CCDC149: variants seen among roughly 807,000 people sequenced by gnomAD.
The protein encoded by CCDC149 is coiled-coil domain containing 149.
In CCDC149, 45 loss-of-function variants were observed where a neutral mutation model predicts 59.9. That is an observed-to-expected ratio of 0.75 (90% CI 0.59 to 0.96). The LOEUF is 0.96. CCDC149 is among the 40% of genes least tolerant of loss of function. The pLI is 0.00. For synonymous variants in CCDC149, 245 were observed against 260.6 expected (o/e 0.94, Z 0.58); for missense variants, 584 against 664.7 (o/e 0.88, Z 1.33).
At chr4:24,862,421 T>C (rs943051641) in intron 3 of CCDC149, among the ~76,000 whole-genome samples, 7 of 152,360 alleles carry the variant, frequency 4.6e-5, no homozygotes, top group African/African-American at 1.7e-4. Flanking sequence ...AATCCCCTGC[T>C]GGTCAGCATT....
intron 1 of CCDC149, among the ~76,000 whole-genome samples, chr4:24,902,828 G>T (rs1721245375): frequency 6.6e-6 from 1 of 151,836 alleles, no homozygotes. Context: ...ATATGAGACT[G>T]GCCTGGACAA....
chr4:24,893,459 G>T (rs1332325170), intron 1 of CCDC149, among the ~76,000 whole-genome samples: 1 of 152,062 alleles, frequency 6.6e-6, no homozygotes, highest in African/African-American at 2.4e-5. Flanking sequence ...TGTAAGACTT[G>T]TAATCCACTT....
At chr4:24,925,066 A>C (rs1156601140) in intron 1 of CCDC149, among the ~76,000 whole-genome samples, 1 of 152,210 alleles carries the variant, frequency 6.6e-6, no homozygotes, top group Non-Finnish European at 1.5e-5. Flanking sequence ...CCTTAGGTAC[A>C]GTTTTTTGGG....
Position 24,808,666 on chromosome 4 carries a change from G to A in CCDC149, c.1346C>T (p.Pro449Leu), listed in dbSNP as rs929839516. The A allele has an allele frequency of 1.2e-5, 18 of 1,552,280 alleles. No individual in the cohort carries two copies. The highest frequency in any genetic ancestry group is 1.6e-5 in the Non-Finnish European group (18 of 1,147,156). The change falls in exon 13 of 13, where the codon CCT becomes CTT. Residue 449 changes from proline (P) to leucine (L), a missense_variant. Coordinates refer to ENST00000635206, the MANE Select transcript of CCDC149 (RefSeq NM_001330643.2). ...AAGGCTGTTTACTTCTTCCTCAGAA[G>A]GTAACTGGGGTAATGAAGGATGAAA...
chr4:24,946,121 C>G (rs78539320), intron 1 of CCDC149, among the ~76,000 whole-genome samples: 5 of 152,206 alleles, frequency 3.3e-5, no homozygotes, highest in Admixed American at 3.3e-4. Flanking sequence ...TGACCAATCA[C>G]TCTCTCTTCT....
chr4:24,808,681 GAAGGA>G lies in CCDC149; in HGVS notation c.1326_1330del (p.Pro443IlefsTer7), dbSNP rs767464774. 6.4e-7 allele frequency: 1 copy of G among 1,552,410 alleles called. No individual in the cohort carries two copies. The highest frequency in any genetic ancestry group is 1.2e-5 in the South Asian group (1 of 84,060). On this transcript the variant is annotated frameshift_variant, in exon 13 of 13. Coordinates refer to ENST00000635206, the MANE Select transcript of CCDC149 (RefSeq NM_001330643.2). LOFTEE classifies it low-confidence loss of function (END_TRUNC). ...TTCCTCAGAAGGTAACTGGGGTAAT[GAAGGA>G]TGAAAGAGCTTGCATTGGTTCCCGC...
chr4:24,906,217 T>C (rs1248901817), intron 1 of CCDC149, among the ~76,000 whole-genome samples: 1 of 152,058 alleles, frequency 6.6e-6, no homozygotes, highest in Non-Finnish European at 1.5e-5. Context: ...TCTTAGGAAG[T>C]GAAAACTAAT....
intron 1 of CCDC149, among the ~76,000 whole-genome samples, chr4:24,952,595 C>CAA (rs869310845): frequency 1.4e-4 from 6 of 41,414 alleles, no homozygotes; most frequent in Non-Finnish European, 2.2e-4. Context: ...AACTCCATCT[C>CAA]AAAAAAAAAA....
Position 24,975,598 on chromosome 4 carries a change from G to A in CCDC149, c.-65+4471C>T, listed in dbSNP as rs76552097. On this transcript the variant is annotated intron_variant, in intron 1 of 12. Transcript: ENST00000389609. Reference sequence around the variant, plus strand: ...GAAGAGAGGAGAGGGAAGGGGAGGAGAGAGGAAGCATACGTCCTGGGGAAG... The same window carrying A: ...GAAGAGAGGAGAGGGAAGGGGAGGAAAGAGGAAGCATACGTCCTGGGGAAG... 4.1e-3 allele frequency among the ~76,000 whole-genome samples: 618 copies of A among 150,708 alleles called. 23 individuals carry two copies. In the East Asian group the frequency reaches 0.073, roughly 18 times the overall value.
intron 1 of CCDC149, 133 bp from the exon 2 acceptor site, chr4:24,876,830 A>G (rs1719470849): frequency 4.8e-6 from 4 of 832,872 alleles, no homozygotes; most frequent in Non-Finnish European, 7.3e-6. Context: ...CGAGAGAGAC[A>G]TTTTTCAGCA....
intron 3 of CCDC149, 127 bp downstream of exon 3, chr4:24,873,554 T>C (rs2109239081): frequency 1.4e-6 from 1 of 725,978 alleles, no homozygotes; most frequent in Admixed American, 2.5e-5. Flanking sequence ...AATCTCTACC[T>C]ACTCCTCCCA....
chr4:24,963,949 C>G lies in CCDC149; in HGVS notation c.-65+16120G>C, dbSNP rs532774017. On this transcript the variant is annotated intron_variant, in intron 1 of 12. Transcript: ENST00000389609. ...GGCCAAGGTAGGAGGATCCCAAGCA[C>G]TTTGGGAGGCCAAGGCAGGAGGATG... Among the ~76,000 whole-genome samples the G allele has an allele frequency of 3.7e-4, 56 of 152,294 alleles. No homozygotes were observed. In the South Asian group the frequency reaches 8.1e-3, roughly 22 times the overall value.
intron 1 of CCDC149, among the ~76,000 whole-genome samples, chr4:24,881,652 C>T (rs1454701756): frequency 6.6e-6 from 1 of 152,212 alleles, no homozygotes; most frequent in Non-Finnish European, 1.5e-5. Context: ...ATGGGACTGT[C>T]TGGGGGGGAG....
chr4:24,902,346 A>G (rs1422927574), intron 1 of CCDC149, among the ~76,000 whole-genome samples: 1 of 152,154 alleles, frequency 6.6e-6, no homozygotes, highest in Non-Finnish European at 1.5e-5. Context: ...ATTTTCATCA[A>G]TTTGTACTCC....
At position 24,837,335 on chromosome 4, in the gene CCDC149, C is replaced by T; in HGVS notation, c.555G>A (p.Arg185=). ...TCTCCACTTTGTCCTGGTAGGAAGA[C>T]CGTTCTTCTTTAACATCCTGAAGCT... The change falls in exon 6 of 13, where the codon CGG becomes CGA. Residue 185 remains arginine (R), a synonymous_variant. Coordinates refer to ENST00000635206, the MANE Select transcript of CCDC149 (RefSeq NM_001330643.2). The surrounding 1 kb of genome is among the most constrained non-coding windows in gnomAD (Gnocchi z 4.3). The T allele has an allele frequency of 6.2e-7, 1 of 1,614,164 alleles. No homozygotes were observed. The highest frequency in any genetic ancestry group is 8.5e-7 in the Non-Finnish European group (1 of 1,180,030).
chr4:24,974,639 A>G (rs561371727), intron 1 of CCDC149, among the ~76,000 whole-genome samples: 2 of 152,312 alleles, frequency 1.3e-5, no homozygotes, highest in East Asian at 3.9e-4. Context: ...GACATGTCCT[A>G]TTCATCTCTA....
At chr4:24,833,259 A>G (rs1218590244) in intron 8 of CCDC149, among the ~76,000 whole-genome samples, 1 of 152,126 alleles carries the variant, frequency 6.6e-6, no homozygotes, top group African/African-American at 2.4e-5. Context: ...TTTTCACTTA[A>G]CAATATTATT....
chr4:24,887,161 A>G (rs935548676), intron 1 of CCDC149, among the ~76,000 whole-genome samples: 3 of 152,002 alleles, frequency 2.0e-5, no homozygotes, highest in Non-Finnish European at 1.5e-5. Context: ...AATTGCTACA[A>G]CAAAGATCAA....
intron 1 of CCDC149, among the ~76,000 whole-genome samples, chr4:24,930,599 A>G (rs1307639956): frequency 6.6e-6 from 1 of 152,158 alleles, no homozygotes; most frequent in Non-Finnish European, 1.5e-5. Flanking sequence ...GTTGTAGGGT[A>G]TTTAAAGACC....
Sources: gnomAD v4.1 joint callset for allele counts (sites outside exome capture counted in the v4.1 genomes callset) on GRCh38, gnomAD v4.1.1 for gene constraint, Gnocchi (gnomAD v3.1) non-coding constraint, MANE v1.5 for transcripts, NCBI Gene and HGNC (gene_info 2026-07-23, HGNC 2026-07-21) for gene names.